The following CDH12 variants were observed in gnomAD, a reference collection of about 807,000 sequenced individuals.
CDH12 encodes the protein cadherin 12.
A neutral mutation model predicts 74.1 loss-of-function variants in CDH12; 41 were observed. That is an observed-to-expected ratio of 0.55 (90% confidence interval 0.43 to 0.72). The LOEUF is 0.72. CDH12 is among the 30% of genes least tolerant of loss of function. CDH12 has a pLI of 0.00. For synonymous variants in CDH12, 399 were observed against 355.0 expected (o/e 1.12, Z -1.39); for missense variants, 945 against 977.2 (o/e 0.97, Z 0.44).
chr5:22,046,073 C>CA (rs1198471714), intron 5 of CDH12, among the ~76,000 whole-genome samples: 3 of 152,040 alleles, frequency 2.0e-5, no homozygotes, highest in Admixed American at 1.3e-4. Context: ...AATATAAGGG[C>CA]ATGTCTAATC....
At chr5:22,431,512 T>C (rs1411481480) in intron 2 of CDH12, among the ~76,000 whole-genome samples, 1 of 152,252 alleles carries the variant, frequency 6.6e-6, no homozygotes, top group Non-Finnish European at 1.5e-5. Flanking sequence ...TTTACTATAC[T>C]ATTCTTTTTA....
At position 22,728,891 on chromosome 5, in the gene CDH12, T is replaced by C. The variant is rs1261006724; in HGVS notation, c.-523+124167A>G. ...CATCCTAGTACCATACCATTGATGC[T>C]TAGGGTTTGAATAGATCAGTTCTGA... On this transcript the variant is annotated intron_variant, in intron 1 of 14. Coordinates refer to ENST00000382254, the MANE Select transcript of CDH12 (RefSeq NM_004061.5). 2.6e-5 allele frequency among the ~76,000 whole-genome samples: 4 copies of C among 151,896 alleles called. No individual in the cohort carries two copies. In the South Asian group the frequency reaches 8.3e-4, roughly 31 times the overall value.
At chr5:22,365,136 T>C (rs1740974117) in intron 3 of CDH12, among the ~76,000 whole-genome samples, 1 of 152,200 alleles carries the variant, frequency 6.6e-6, no homozygotes. Context: ...TGCATTTCTC[T>C]CTCTGCTAAT....
chr5:22,396,873 C>T (rs1229996104), intron 3 of CDH12, among the ~76,000 whole-genome samples: 1 of 152,094 alleles, frequency 6.6e-6, no homozygotes, highest in Admixed American at 6.6e-5. Flanking sequence ...GTCTGTCGTA[C>T]CTCCTAAAAT....
intron 1 of CDH12, among the ~76,000 whole-genome samples, chr5:22,784,649 C>T (rs1432692437): frequency 6.6e-6 from 1 of 152,168 alleles, no homozygotes; most frequent in Non-Finnish European, 1.5e-5. Flanking sequence ...CTTCCCTCTA[C>T]TTGCTTCTTC....
At chr5:22,425,050 G>T (rs1281405617) in intron 2 of CDH12, among the ~76,000 whole-genome samples, 3 of 134,430 alleles carry the variant, frequency 2.2e-5, no homozygotes, top group Non-Finnish European at 3.1e-5. Flanking sequence ...AGAGGCTAGA[G>T]AATTTTTACA....
intron 6 of CDH12, among the ~76,000 whole-genome samples, chr5:21,973,504 C>G (rs1367580805): frequency 6.6e-6 from 1 of 152,190 alleles, no homozygotes; most frequent in Non-Finnish European, 1.5e-5. Context: ...GGCTCCAACT[C>G]TGCAGCCCTA....
chr5:22,383,966 G>A (rs1423613292), intron 3 of CDH12, among the ~76,000 whole-genome samples: 1 of 151,708 alleles, frequency 6.6e-6, no homozygotes, highest in Non-Finnish European at 1.5e-5. Context: ...AATTGCCATG[G>A]GTCTGAGTTA....
chr5:22,207,859 CTAATTTTTGCTACTTTACAGG>C (rs539833218), intron 4 of CDH12, among the ~76,000 whole-genome samples: 40 of 152,276 alleles, frequency 2.6e-4, no homozygotes, highest in African/African-American at 9.4e-4. Context: ...AAAAAGATCT[CTAATTTTTGCTACTTTACAGG>C]TAAGGTGACA....
intron 11 of CDH12, among the ~76,000 whole-genome samples, chr5:21,769,830 T>G (rs1745224431): frequency 1.3e-5 from 2 of 152,186 alleles, no homozygotes; most frequent in Admixed American, 1.3e-4. Flanking sequence ...TCTATTGAGA[T>G]TCCACATAAG....
chr5:21,873,601 C>T (rs1008445385), intron 6 of CDH12, among the ~76,000 whole-genome samples: 1 of 151,890 alleles, frequency 6.6e-6, no homozygotes, highest in Non-Finnish European at 1.5e-5. Flanking sequence ...ACCATAAATC[C>T]TCTTTTATGT....
At chr5:21,998,281 G>A (rs1035113988) in intron 5 of CDH12, among the ~76,000 whole-genome samples, 3 of 152,058 alleles carry the variant, frequency 2.0e-5, no homozygotes, top group Admixed American at 2.0e-4. Context: ...AGTCAATAAA[G>A]GAGAGAATGA....
At chr5:22,841,204 C>A (rs1737066679) in intron 1 of CDH12, among the ~76,000 whole-genome samples, 2 of 152,056 alleles carry the variant, frequency 1.3e-5, no homozygotes, top group African/African-American at 2.4e-5. Flanking sequence ...GACAAGAGAG[C>A]AACAGATGAA....
intron 8 of CDH12, among the ~76,000 whole-genome samples, chr5:21,837,479 T>G (rs578200290): frequency 1.3e-5 from 2 of 152,028 alleles, no homozygotes; most frequent in Non-Finnish European, 2.9e-5. Flanking sequence ...TTTTTTTTTT[T>G]TTTTTAGCAT....
chr5:21,925,887 C>T (rs1397962861), intron 6 of CDH12, among the ~76,000 whole-genome samples: 1 of 151,784 alleles, frequency 6.6e-6, no homozygotes, highest in Non-Finnish European at 1.5e-5. Context: ...ATCCTACTGA[C>T]TTTCTATTTA....
chr5:22,071,375 G>T (rs1028512097), intron 5 of CDH12, among the ~76,000 whole-genome samples: 6 of 151,566 alleles, frequency 4.0e-5, no homozygotes, highest in Non-Finnish European at 7.4e-5. Context: ...CTTTCTTTAT[G>T]CTTTAGACAA....
chr5:22,410,001 A>AT (rs1165677499), intron 2 of CDH12, among the ~76,000 whole-genome samples: 1 of 152,078 alleles, frequency 6.6e-6, no homozygotes, highest in Non-Finnish European at 1.5e-5. Flanking sequence ...AATACAAATT[A>AT]TTTTTTATTA....
chr5:22,084,577 G>A (rs147319428), intron 4 of CDH12, among the ~76,000 whole-genome samples: 10 of 152,196 alleles, frequency 6.6e-5, no homozygotes, highest in African/African-American at 2.2e-4. Context: ...CAATGAGAAC[G>A]TGTGTGAGTG....
At chr5:22,179,878 T>C (rs927836844) in intron 4 of CDH12, among the ~76,000 whole-genome samples, 4 of 152,084 alleles carry the variant, frequency 2.6e-5, no homozygotes, top group Admixed American at 1.3e-4. Context: ...ATAAGAAACA[T>C]TAATTCACCA....
Sources: allele counts gnomAD v4.1 joint callset (sites outside exome capture counted in the v4.1 genomes callset), GRCh38; gene constraint gnomAD v4.1.1; transcripts MANE v1.5; gene names NCBI Gene and HGNC (gene_info 2026-07-23, HGNC 2026-07-21).